The following COXFA4L3 variants were observed in gnomAD, a reference collection of about 807,000 sequenced individuals.
COXFA4L3 encodes the protein MIR147B host.
the COXFA4L3 span, chr15:45,431,929 G>C: frequency 1.5e-6 from 1 of 670,688 alleles, no homozygotes; most frequent in African/African-American, 1.8e-5. Flanking sequence ...ATCAATTTTA[G>C]TTGCTACTGA....
chr15:45,431,703 G>A, the COXFA4L3 span, among the ~76,000 whole-genome samples: 1 of 152,304 alleles, frequency 6.6e-6, no homozygotes, highest in African/African-American at 2.4e-5. Context: ...GAGCCCTGGA[G>A]TTCACCACCT....
the COXFA4L3 span, chr15:45,430,988 T>C: frequency 2.5e-6 from 4 of 1,612,470 alleles, no homozygotes; most frequent in African/African-American, 2.7e-5. Flanking sequence ...CCCCTCCACC[T>C]GTTATTTGTT....
At chr15:45,433,057 C>G in the COXFA4L3 span, 2,022 of 1,548,228 alleles carry the variant, frequency 1.3e-3, 2 homozygotes, top group Non-Finnish European at 1.6e-3. Context: ...CTCTATAAAT[C>G]TAGTGGAAAC....
At chr15:45,431,065 CT>C in the COXFA4L3 span, 1 of 1,613,962 alleles carries the variant, frequency 6.2e-7, no homozygotes, top group African/African-American at 1.3e-5. Flanking sequence ...GCTGTGTATT[CT>C]CTTTGGAAAA....
chr15:45,430,896 C>T, the COXFA4L3 span: 24 of 1,567,684 alleles, frequency 1.5e-5, no homozygotes, highest in Non-Finnish European at 2.1e-5. Flanking sequence ...GAAAAGATGG[C>T]ACAGATTTTG....
At chr15:45,431,686 G>C in the COXFA4L3 span, among the ~76,000 whole-genome samples, 1 of 152,136 alleles carries the variant, frequency 6.6e-6, no homozygotes, top group East Asian at 1.9e-4. Flanking sequence ...GCTGGCAGAG[G>C]AGCCTAGAGC....
At chr15:45,433,094 A>T in the COXFA4L3 span, 1 of 1,391,934 alleles carries the variant, frequency 7.2e-7, no homozygotes, top group Non-Finnish European at 1.0e-6. Flanking sequence ...GATTCTGGAC[A>T]CCAGTGTGCG....
At chr15:45,432,531 A>G in the COXFA4L3 span, among the ~76,000 whole-genome samples, 84,344 of 152,088 alleles carry the variant, frequency 0.55, 26,921 homozygotes, top group African/African-American at 0.85. Flanking sequence ...TGGGTGTAGT[A>G]GAACGCACCT....
chr15:45,432,277 G>C, the COXFA4L3 span: 1 of 658,556 alleles, frequency 1.5e-6, no homozygotes. Flanking sequence ...GAAATTTTAA[G>C]AGCCTACTCT....
the COXFA4L3 span, chr15:45,431,943 T>C: frequency 1.4e-6 from 1 of 733,924 alleles, no homozygotes; most frequent in Non-Finnish European, 2.3e-6. Context: ...CTACTGATGG[T>C]TCCTGATCAT....
the COXFA4L3 span, chr15:45,430,680 C>G: frequency 3.2e-6 from 3 of 923,372 alleles, no homozygotes; most frequent in Admixed American, 5.2e-5. Context: ...TGCAGAGACG[C>G]GGACGCGCCG....
chr15:45,431,649 A>G, the COXFA4L3 span, among the ~76,000 whole-genome samples: 1 of 152,338 alleles, frequency 6.6e-6, no homozygotes, highest in East Asian at 1.9e-4. Context: ...AGGCTGGTGC[A>G]GGGCTGGAGA....
the COXFA4L3 span, chr15:45,431,048 A>T: frequency 1.2e-6 from 2 of 1,614,082 alleles, no homozygotes; most frequent in Non-Finnish European, 1.7e-6. Context: ...GTGGAGCCTC[A>T]TCTTTCGCTG....
At chr15:45,431,302 T>A in the COXFA4L3 span, 36 of 439,426 alleles carry the variant, frequency 8.2e-5, no homozygotes, top group African/African-American at 1.9e-4. Context: ...AGAAAAAATT[T>A]AAAAAAACCC....
At chr15:45,430,703 C>G in the COXFA4L3 span, 1 of 1,244,806 alleles carries the variant, frequency 8.0e-7, no homozygotes, top group African/African-American at 1.5e-5. Flanking sequence ...CCGCAGTTGG[C>G]CTGCGGAGCG....
chr15:45,431,077 C>T, the COXFA4L3 span: 4 of 1,613,818 alleles, frequency 2.5e-6, no homozygotes, highest in Non-Finnish European at 3.4e-6. Flanking sequence ...CTTTGGAAAA[C>T]CGATGTGATG....
At chr15:45,432,081 A>G in the COXFA4L3 span, 9 of 1,598,676 alleles carry the variant, frequency 5.6e-6, no homozygotes, top group Non-Finnish European at 6.8e-6. Context: ...GCCTTGATCG[A>G]AAAAAAAATC....
the COXFA4L3 span, chr15:45,432,882 A>C: frequency 7.4e-7 from 1 of 1,355,910 alleles, no homozygotes; most frequent in Non-Finnish European, 1.0e-6. Flanking sequence ...AATCCGAAAG[A>C]GGGACATGCA....
chr15:45,430,772 T>A, the COXFA4L3 span: 3 of 1,606,340 alleles, frequency 1.9e-6, no homozygotes, highest in African/African-American at 1.3e-5. Flanking sequence ...ATTTCTAGAT[T>A]TGGCAATTCT....
Sources: gnomAD v4.1 joint callset for allele counts (sites outside exome capture counted in the v4.1 genomes callset) on GRCh38, gnomAD v4.1.1 for gene constraint, MANE v1.5 for transcripts, NCBI Gene and HGNC (gene_info 2026-07-23, HGNC 2026-07-21) for gene names.